TNFRSF19: variants seen among roughly 807,000 people sequenced by gnomAD.
TNFRSF19 encodes the protein TNF receptor superfamily member 19.
A neutral mutation model predicts 46.4 loss-of-function variants in TNFRSF19; 27 were observed. The ratio of observed to expected loss-of-function variants is 0.58; its 90% CI spans 0.43 to 0.80. TNFRSF19 has a LOEUF of 0.80. Among genes scored for constraint, TNFRSF19 ranks in the 30% least tolerant of loss-of-function variants. TNFRSF19 has a pLI of 0.00. For missense variants in TNFRSF19, 511 were observed against 530.8 expected, an observed-to-expected ratio of 0.96 and a Z score of 0.37; for synonymous variants, 204 against 205.0, an observed-to-expected ratio of 1.00 and a Z score of 0.04.
At chr13:23,571,062 T>TC in intron 1 of TNFRSF19, among the ~76,000 whole-genome samples, 1 of 152,288 alleles carries the variant, frequency 6.6e-6, no homozygotes, top group East Asian at 1.9e-4. Context: ...TACAAGAGGG[T>TC]TTGCAGTCTG....
chr13:23,587,869 T>C (rs1446876766), intron 1 of TNFRSF19, among the ~76,000 whole-genome samples: 3 of 152,198 alleles, frequency 2.0e-5, no homozygotes, highest in Non-Finnish European at 4.4e-5. Flanking sequence ...AAACGCTTGG[T>C]TCAAACTCTT....
At chr13:23,579,105 C>G (rs1878176552) in intron 1 of TNFRSF19, among the ~76,000 whole-genome samples, 1 of 152,244 alleles carries the variant, frequency 6.6e-6, no homozygotes, top group Admixed American at 6.5e-5. Context: ...TTTCCCAACA[C>G]AGCCATGTTC....
chr13:23,625,624 G>A (rs562101754), intron 4 of TNFRSF19, among the ~76,000 whole-genome samples: 9 of 152,130 alleles, frequency 5.9e-5, no homozygotes, highest in Admixed American at 1.3e-4. Context: ...CCCCGCGCCC[G>A]GCCTGTATTC....
At chr13:23,605,012 T>C (rs942875257) in intron 3 of TNFRSF19, among the ~76,000 whole-genome samples, 1 of 152,112 alleles carries the variant, frequency 6.6e-6, no homozygotes, top group African/African-American at 2.4e-5. Context: ...TAAGACACTG[T>C]TGAGAGAATG....
intron 5 of TNFRSF19, among the ~76,000 whole-genome samples, chr13:23,637,039 G>A (rs1376346636): frequency 7.1e-6 from 1 of 140,266 alleles, no homozygotes; most frequent in African/African-American, 2.5e-5. Flanking sequence ...AGGAAAATTA[G>A]AGTTGTTGTT....
intron 7 of TNFRSF19, 44 bp from the exon 8 acceptor site, chr13:23,667,936 C>T: frequency 1.3e-6 from 2 of 1,490,706 alleles, no homozygotes; most frequent in Non-Finnish European, 1.8e-6. Context: ...GTGAAAGCTG[C>T]CAGAAGGAGG....
chr13:23,639,890 A>C (rs1177968674), intron 5 of TNFRSF19, among the ~76,000 whole-genome samples: 1 of 152,248 alleles, frequency 6.6e-6, no homozygotes, highest in African/African-American at 2.4e-5. Flanking sequence ...TGAAATACAA[A>C]GGACTTATTG....
chr13:23,585,619 G>A (rs1878769404), intron 1 of TNFRSF19: 1 of 152,188 alleles, frequency 6.6e-6, no homozygotes, highest in African/African-American at 2.4e-5. Flanking sequence ...GTTATCCCTA[G>A]TTAATGAATT....
At chr13:23,652,933 G>A (rs1233067454) in intron 5 of TNFRSF19, among the ~76,000 whole-genome samples, 2 of 152,184 alleles carry the variant, frequency 1.3e-5, no homozygotes, top group East Asian at 3.8e-4. Flanking sequence ...TCCTTTCTGT[G>A]GGAGATGTAA....
intron 1 of TNFRSF19, among the ~76,000 whole-genome samples, chr13:23,575,888 G>A (rs1230263469): frequency 6.6e-6 from 1 of 151,894 alleles, no homozygotes. Context: ...CAACTTTTGG[G>A]GAAAAATATT....
At chr13:23,589,759 A>G (rs925290487) in intron 1 of TNFRSF19, among the ~76,000 whole-genome samples, 2 of 152,242 alleles carry the variant, frequency 1.3e-5, no homozygotes, top group African/African-American at 2.4e-5. Flanking sequence ...TTTTATCACT[A>G]TTATTACCCT....
At chr13:23,588,088 A>G (rs906048543) in intron 1 of TNFRSF19, among the ~76,000 whole-genome samples, 1 of 152,208 alleles carries the variant, frequency 6.6e-6, no homozygotes, top group Non-Finnish European at 1.5e-5. Flanking sequence ...AGCACTTATT[A>G]TGTGCCAGAA....
At chr13:23,577,647 T>C (rs1393063676) in intron 1 of TNFRSF19, among the ~76,000 whole-genome samples, 1 of 152,114 alleles carries the variant, frequency 6.6e-6, no homozygotes, top group Non-Finnish European at 1.5e-5. Flanking sequence ...AGCGAGGTGC[T>C]GAAACTGGAG....
At chr13:23,652,893 A>G (rs1883735065) in intron 5 of TNFRSF19, among the ~76,000 whole-genome samples, 1 of 152,182 alleles carries the variant, frequency 6.6e-6, no homozygotes, top group Non-Finnish European at 1.5e-5. Context: ...GAACCCTTAT[A>G]GATGTTAAAA....
At chr13:23,657,952 T>G (rs1413926094) in intron 5 of TNFRSF19, among the ~76,000 whole-genome samples, 1 of 152,096 alleles carries the variant, frequency 6.6e-6, no homozygotes, top group Non-Finnish European at 1.5e-5. Context: ...GAGGGGAGGC[T>G]CCTGTGGTGA....
At chr13:23,617,270 G>C (rs535908642) in intron 4 of TNFRSF19, among the ~76,000 whole-genome samples, 4 of 152,258 alleles carry the variant, frequency 2.6e-5, no homozygotes, top group African/African-American at 9.6e-5. Context: ...CAGAGGAAGG[G>C]GTGGGCAGGT....
In TNFRSF19 at chr13:23,674,157, G is replaced by T. The variant is rs961323092; in HGVS notation, c.*777G>T. ...CATATTGTAGAGACTTGTATGCAAA[G>T]GTTGGCATATTTATATGAAAATTAG... On this transcript the variant is annotated 3_prime_UTR_variant, in exon 10 of 10. Coordinates refer to ENST00000248484, the MANE Select transcript of TNFRSF19 (RefSeq NM_148957.4). 6.6e-6 allele frequency: 1 copy of T among 152,174 alleles called. No individual in the cohort carries two copies. The highest frequency in any genetic ancestry group is 1.5e-5 in the Non-Finnish European group (1 of 68,038). 9.4% of individuals were successfully genotyped at this position (152,174 alleles called of 1,614,324 possible).
chr13:23,593,262 A>G, intron 2 of TNFRSF19, 83 bp from the exon 3 acceptor site: 1 of 721,036 alleles, frequency 1.4e-6, no homozygotes. Context: ...TGTGTGACTA[A>G]TATTGAAAAT....
rs760540103 is a variant in TNFRSF19 at position 23,668,655 on chromosome 13, C to T, written c.840-37C>T. On this transcript the variant is annotated intron_variant, in intron 8 of 9. Coordinates refer to ENST00000248484, the MANE Select transcript of TNFRSF19 (RefSeq NM_148957.4). ...TTCTTTGTAGTAGTGTTTTTCTCCC[C>T]ATCAAAAACTTTAAGTTCTTTTGAA... is the stretch of plus-strand genomic sequence containing the variant. 24 of 1,567,230 alleles carry T rather than the reference C, an allele frequency of 1.5e-5. No individual in the cohort carries two copies. The East Asian group carries it at 3.6e-4, about 23-fold the overall frequency.
Sources: gnomAD v4.1 joint callset for allele counts (sites outside exome capture counted in the v4.1 genomes callset) on GRCh38, gnomAD v4.1.1 for gene constraint, MANE v1.5 for transcripts, NCBI Gene and HGNC (gene_info 2026-07-23, HGNC 2026-07-21) for gene names.